Variants in AJAP1 observed in about 807,000 individuals in gnomAD.
AJAP1 encodes the protein adherens junctions associated protein 1.
Under a neutral mutation model 35.0 loss-of-function variants are expected in AJAP1, and 5 were observed. That is an observed-to-expected ratio of 0.14 (90% CI 0.07 to 0.30). The LOEUF is 0.30. Ranked by LOEUF, AJAP1 falls within the 10% of genes least tolerant of loss-of-function variation. AJAP1 has a pLI of 1.00. For synonymous variants in AJAP1, 284 were observed against 249.3 expected (o/e 1.14, Z -1.31); for missense variants, 586 against 571.0 (o/e 1.03, Z -0.27).
At chr1:4,758,440 T>A (rs1348468890) in intron 2 of AJAP1, among the ~76,000 whole-genome samples, 1 of 152,150 alleles carries the variant, frequency 6.6e-6, no homozygotes, top group Non-Finnish European at 1.5e-5. Flanking sequence ...AAACTTACAA[T>A]CATGGCAGAA....
chr1:4,686,341 A>G (rs1299121829), intron 1 of AJAP1, among the ~76,000 whole-genome samples: 1 of 152,118 alleles, frequency 6.6e-6, no homozygotes, highest in Admixed American at 6.5e-5. Context: ...TTCAAGGTTC[A>G]AGTTCCTACC....
At chr1:4,727,227 A>G (rs1640684672) in intron 2 of AJAP1, among the ~76,000 whole-genome samples, 1 of 152,162 alleles carries the variant, frequency 6.6e-6, no homozygotes, top group South Asian at 2.1e-4. Context: ...GCAGCAGGAG[A>G]GGCCAGGAGG....
intron 1 of AJAP1, among the ~76,000 whole-genome samples, chr1:4,705,807 C>G (rs1392933482): frequency 6.6e-6 from 1 of 152,064 alleles, no homozygotes; most frequent in Non-Finnish European, 1.5e-5. Flanking sequence ...AGGAGCCAAA[C>G]GAGACACAAC....
chr1:4,792,147 A>G lies in AJAP1; in HGVS notation c.*9662A>G, dbSNP rs1036942867. On this transcript the variant is annotated 3_prime_UTR_variant, in exon 6 of 6. Transcript: ENST00000378191. ...TACAAGGAGCACTTGTTATTTTTCAAAAGGAAAACAAAAGCCTCTCTGTTT... is the reference window on the plus strand; with the variant it reads ...TACAAGGAGCACTTGTTATTTTTCAGAAGGAAAACAAAAGCCTCTCTGTTT... 1 of 152,154 alleles carries G rather than the reference A, an allele frequency of 6.6e-6. No individual in the cohort carries two copies. Among genetic ancestry groups the G allele is most frequent in the African/African-American group, 2.4e-5 (1 of 41,426 alleles). The allele number at this position is 152,154 out of a possible 1,614,324, so 9.4% of individuals were successfully genotyped here. A position where few individuals can be genotyped will look rare whatever the true frequency, so the allele number is the denominator to read the frequency against.
intron 2 of AJAP1, among the ~76,000 whole-genome samples, chr1:4,725,622 G>A (rs1640638103): frequency 6.6e-6 from 1 of 152,132 alleles, no homozygotes; most frequent in African/African-American, 2.4e-5. Flanking sequence ...CGGAACCGGG[G>A]GCCTCCTGTG....
In AJAP1 at chr1:4,655,379, T is replaced by G. The variant is rs369266182; in HGVS notation, c.-47T>G. Reference sequence around the variant, plus strand: ...CGAGCGGGCGCGGGCGCCGCGCAGATGGCCTGGGCGAGCCAGGTCTGAGGC... The same window carrying G: ...CGAGCGGGCGCGGGCGCCGCGCAGAGGGCCTGGGCGAGCCAGGTCTGAGGC... On this transcript the variant is annotated 5_prime_UTR_variant, in exon 1 of 6. An upstream start codon of the reference 5' UTR is lost. Coordinates refer to ENST00000378191, the MANE Select transcript of AJAP1 (RefSeq NM_018836.4). The surrounding 1 kb of genome is among the most constrained non-coding windows in gnomAD (Gnocchi z 6.9). 2 of 1,512,366 alleles carry G rather than the reference T, an allele frequency of 1.3e-6. No individual in the cohort carries two copies. The highest frequency in any genetic ancestry group is 1.8e-6 in the Non-Finnish European group (2 of 1,126,740). 93.7% of individuals were successfully genotyped at this position (1,512,366 alleles called of 1,614,324 possible).
intron 2 of AJAP1, among the ~76,000 whole-genome samples, chr1:4,747,550 T>C (rs1212661975): frequency 1.3e-5 from 2 of 152,192 alleles, no homozygotes; most frequent in African/African-American, 4.8e-5. Context: ...CTCCCACTTG[T>C]CCCTCTTGGG....
rs1557648496 is a variant in AJAP1, at chr1:4,771,590, CG to C, written c.918-689del. ...CATCCGGGGGCCTCGATTCTTGCTT[CG>C]TCGAGTCCCTGGACAGACGAGGGTA... On this transcript the variant is annotated intron_variant, in intron 3 of 5. Transcript: ENST00000378191. 2.0e-5 allele frequency among the ~76,000 whole-genome samples: 3 copies of C among 152,288 alleles called. No homozygotes were observed. The East Asian group carries it at 5.8e-4, about 29-fold the overall frequency.
chr1:4,760,836 C>G (rs989824327), intron 2 of AJAP1, among the ~76,000 whole-genome samples: 1 of 152,264 alleles, frequency 6.6e-6, no homozygotes, highest in East Asian at 1.9e-4. Flanking sequence ...GGCTGCCCAT[C>G]TGTGCCCCCC....
intron 2 of AJAP1, among the ~76,000 whole-genome samples, chr1:4,718,308 G>T (rs1266674745): frequency 6.6e-6 from 1 of 152,258 alleles, no homozygotes; most frequent in South Asian, 2.1e-4. Flanking sequence ...ACACGACTGT[G>T]TTGCAGGTCT....
rs570976244 is a variant in AJAP1 at position 4,753,729 on chromosome 1, C to T, written c.830-16124C>T. 6.3e-3 allele frequency among the ~76,000 whole-genome samples: 963 copies of T among 152,264 alleles called. 5 individuals are homozygous for T. The highest frequency in any genetic ancestry group is 0.011 in the Non-Finnish European group (730 of 68,024). On this transcript the variant is annotated intron_variant, in intron 2 of 5. Transcript: ENST00000378191. ...CTGGGATTACAGGCATGCACCACCA[C>T]GCCCAGCTAATTTTGTATTTTTAGT...
intron 2 of AJAP1, among the ~76,000 whole-genome samples, chr1:4,750,898 GC>G (rs567059586): frequency 1.4e-4 from 21 of 148,690 alleles, no homozygotes; most frequent in Admixed American, 8.8e-4. Flanking sequence ...CTGCCAGGAA[GC>G]AGGGAAAAGA....
At chr1:4,728,006 G>A (rs1195219310) in intron 2 of AJAP1, among the ~76,000 whole-genome samples, 2 of 152,332 alleles carry the variant, frequency 1.3e-5, no homozygotes, top group East Asian at 1.9e-4. Context: ...GGTCGCCTCC[G>A]TTCCCTGTGG....
chr1:4,675,918 C>T (rs939620793), intron 1 of AJAP1, among the ~76,000 whole-genome samples: 1 of 152,196 alleles, frequency 6.6e-6, no homozygotes, highest in African/African-American at 2.4e-5. Context: ...CTGGAGGGTA[C>T]GGTGGAGTTG....
chr1:4,678,799 G>A (rs1639414065), intron 1 of AJAP1, among the ~76,000 whole-genome samples: 1 of 152,132 alleles, frequency 6.6e-6, no homozygotes, highest in Admixed American at 6.5e-5. Flanking sequence ...CCACCACTGC[G>A]GTCATTTGCT....
At position 4,750,198 on chromosome 1, in the gene AJAP1, G is replaced by T. The variant is rs573252097; in HGVS notation, c.830-19655G>T. The stretch of plus-strand genomic sequence containing the variant: ...TGTGTATGTGTGCATGCCCATGTTT[G>T]TGTGTGCGTGTGTGCATGTATTTGT... On this transcript the variant is annotated intron_variant, in intron 2 of 5. Transcript: ENST00000378191. Among the ~76,000 whole-genome samples, 11 of 152,300 alleles carry T rather than the reference G, an allele frequency of 7.2e-5. No homozygotes were observed. The South Asian group carries it at 1.5e-3, about 20-fold the overall frequency.
intron 2 of AJAP1, among the ~76,000 whole-genome samples, chr1:4,721,439 G>C (rs1295549989): frequency 6.6e-6 from 1 of 152,188 alleles, no homozygotes; most frequent in Non-Finnish European, 1.5e-5. Context: ...GCTCCAGAGG[G>C]TCCTGTCCAT....
In AJAP1 at chr1:4,669,573, C is replaced by T. The variant is rs928286007; in HGVS notation, c.29+14119C>T. On this transcript the variant is annotated intron_variant, in intron 1 of 5. Transcript: ENST00000378191. ...CATGAGGGAAACCGCTCCCATGATC[C>T]AATGACCTCCACCTGGTCCCGCCCT... Among the ~76,000 whole-genome samples the T allele has an allele frequency of 1.5e-4, 23 of 152,288 alleles. 1 individual carries two copies. The highest frequency in any genetic ancestry group is 4.8e-5 in the African/African-American group (2 of 41,570).
chr1:4,755,966 T>C (rs1318506946), intron 2 of AJAP1, among the ~76,000 whole-genome samples: 3 of 151,954 alleles, frequency 2.0e-5, no homozygotes, highest in Non-Finnish European at 2.9e-5. Flanking sequence ...GGATCAGAAA[T>C]GGAGGGTGAT....
Sources: gnomAD v4.1 joint callset for allele counts (sites outside exome capture counted in the v4.1 genomes callset) on GRCh38, gnomAD v4.1.1 for gene constraint, Gnocchi (gnomAD v3.1) non-coding constraint, MANE v1.5 for transcripts, NCBI Gene and HGNC (gene_info 2026-07-23, HGNC 2026-07-21) for gene names.